The following SLC25A26 variants were observed in gnomAD, a reference collection of about 807,000 sequenced individuals.
SLC25A26 encodes solute carrier family 25 member 26.
SLC25A26 carries 36 observed loss-of-function variants against 37.8 expected under a neutral mutation model. The observed-to-expected ratio is 0.95, with a 90% CI of 0.73 to 1.26. SLC25A26 has a LOEUF of 1.26. Among genes scored for constraint, SLC25A26 ranks in the 50% most tolerant of loss-of-function variants. The pLI, the probability that SLC25A26 is intolerant of heterozygous loss-of-function variation, is 0.00. For synonymous variants in SLC25A26, 129 were observed against 122.5 expected (o/e 1.05, Z -0.35); for missense variants, 390 against 331.1 (o/e 1.18, Z -1.38).
At chr3:66,165,577 G>T (rs539873373) in intron 1 of SLC25A26, among the ~76,000 whole-genome samples, 9 of 152,164 alleles carry the variant, frequency 5.9e-5, no homozygotes, top group Non-Finnish European at 1.0e-4. Context: ...GGGAAGCCTG[G>T]AACCTCTAGT....
intron 5 of SLC25A26, among the ~76,000 whole-genome samples, chr3:66,301,756 T>C (rs1023265502): frequency 6.6e-6 from 1 of 152,176 alleles, no homozygotes; most frequent in Non-Finnish European, 1.5e-5. Flanking sequence ...GATACAGAAT[T>C]AAAAGCCTAC....
chr3:66,295,717 C>G (rs2074879768), intron 5 of SLC25A26, among the ~76,000 whole-genome samples: 1 of 151,550 alleles, frequency 6.6e-6, no homozygotes, highest in African/African-American at 2.4e-5. Flanking sequence ...CCAGGCTGAT[C>G]TTGAACTCCT....
chr3:66,155,802 C>G (rs1299842468), intron 1 of SLC25A26, among the ~76,000 whole-genome samples: 1 of 152,098 alleles, frequency 6.6e-6, no homozygotes, highest in Non-Finnish European at 1.5e-5. Context: ...CCCTACTTCC[C>G]TCTTCTCCTC....
intron 5 of SLC25A26, among the ~76,000 whole-genome samples, chr3:66,334,498 T>C (rs553660771): frequency 3.9e-4 from 59 of 152,104 alleles, no homozygotes; most frequent in Admixed American, 1.2e-3. Context: ...GTATTCTTAG[T>C]AGAGACAAGA....
At chr3:66,208,368 A>G (rs2071208081) in intron 1 of SLC25A26, among the ~76,000 whole-genome samples, 1 of 151,936 alleles carries the variant, frequency 6.6e-6, no homozygotes, top group African/African-American at 2.4e-5. Context: ...TTTTTTTTTA[A>G]AGGAAATCAT....
intron 5 of SLC25A26, among the ~76,000 whole-genome samples, chr3:66,327,253 A>G (rs1391788189): frequency 3.3e-5 from 5 of 152,158 alleles, no homozygotes; most frequent in African/African-American, 4.8e-5. Context: ...TAAGTCAAAG[A>G]AAGGCCGTTA....
chr3:66,221,064 G>A lies in SLC25A26; in HGVS notation c.-31G>A, dbSNP rs1553658096. 6.5e-7 allele frequency: 1 copy of A among 1,535,858 alleles called. No individual in the cohort carries two copies. The highest frequency in any genetic ancestry group is 1.4e-5 in the African/African-American group (1 of 73,010). On this transcript the variant is annotated 5_prime_UTR_variant, in exon 1 of 10. Coordinates refer to ENST00000354883, the MANE Select transcript of SLC25A26 (RefSeq NM_001379210.1). The stretch of plus-strand genomic sequence containing the variant: ...ACGTGATCCGCTTCTGCTCCGGCTT[G>A]GATTGTAGCCTTGACGAGGTCTGAG...
At chr3:66,330,244 C>T (rs553065055) in intron 5 of SLC25A26, among the ~76,000 whole-genome samples, 2 of 152,140 alleles carry the variant, frequency 1.3e-5, no homozygotes, top group African/African-American at 4.8e-5. Context: ...GTAGGTAGAG[C>T]AGGTTTGGGA....
At chr3:66,202,441 TCATGGGTGC>T (rs1395022095) in intron 1 of SLC25A26, among the ~76,000 whole-genome samples, 2 of 150,590 alleles carry the variant, frequency 1.3e-5, no homozygotes, top group African/African-American at 4.9e-5. Flanking sequence ...GATGATGGCT[TCATGGGTGC>T]AGCAAATGAC....
intron 2 of SLC25A26, among the ~76,000 whole-genome samples, chr3:66,237,900 C>T (rs1041224339): frequency 1.1e-4 from 16 of 152,170 alleles, no homozygotes; most frequent in Non-Finnish European, 2.1e-4. Flanking sequence ...AATGTTCATT[C>T]TGTGAGCATA....
intron 1 of SLC25A26, among the ~76,000 whole-genome samples, chr3:66,141,073 G>T (rs936717844): frequency 6.8e-6 from 1 of 146,628 alleles, no homozygotes; most frequent in Non-Finnish European, 1.5e-5. Flanking sequence ...ACACACACAC[G>T]CAAATGAGCA....
intron 2 of SLC25A26, 119 bp from the exon 3 acceptor site, chr3:66,243,084 C>T: frequency 1.7e-6 from 1 of 589,792 alleles, no homozygotes. Context: ...ATGTGCTTAT[C>T]ACCTTTTCTC....
At chr3:66,360,061 TAAGAG>T (rs1185992002) in intron 6 of SLC25A26, among the ~76,000 whole-genome samples, 13 of 152,224 alleles carry the variant, frequency 8.5e-5, no homozygotes, top group Admixed American at 2.6e-4. Context: ...CTGTCTGACT[TAAGAG>T]AAGTTGTGAA....
chr3:66,375,335 A>G (rs1333109528), intron 9 of SLC25A26, among the ~76,000 whole-genome samples: 1 of 152,244 alleles, frequency 6.6e-6, no homozygotes, highest in Non-Finnish European at 1.5e-5. Context: ...GATCTAGCTA[A>G]GATCATCGAT....
rs139357050 is a variant in SLC25A26, at chr3:66,226,885, T to C, written c.33+5758T>C. On this transcript the variant is annotated intron_variant, in intron 1 of 9. Transcript: ENST00000354883. The stretch of plus-strand genomic sequence containing the variant: ...CATTAAAAACGCTTTGGTTGTAATA[T>C]ATAGGGGAAAAATTGCAAAGCTGAT... 2.6e-3 allele frequency among the ~76,000 whole-genome samples: 398 copies of C among 151,984 alleles called. 1 individual carries two copies. Among genetic ancestry groups the C allele is most frequent in the African/African-American group, 9.0e-3 (371 of 41,418 alleles).
intron 5 of SLC25A26, among the ~76,000 whole-genome samples, chr3:66,279,003 T>C (rs1324566099): frequency 1.2e-4 from 18 of 152,126 alleles, no homozygotes; most frequent in Non-Finnish European, 1.5e-5. Context: ...TATTTTTTTT[T>C]GTGTGTGGGA....
At chr3:66,135,276 G>A (rs994430882) in intron 1 of SLC25A26, among the ~76,000 whole-genome samples, 13 of 152,062 alleles carry the variant, frequency 8.5e-5, no homozygotes, top group East Asian at 3.8e-4. Flanking sequence ...GTTTCAGGGC[G>A]ATTTTCAATT....
intron 1 of SLC25A26, among the ~76,000 whole-genome samples, chr3:66,146,914 G>C (rs1175468688): frequency 2.0e-5 from 3 of 152,034 alleles, no homozygotes; most frequent in African/African-American, 4.8e-5. Flanking sequence ...TTATAAGTGA[G>C]AACATACAGT....
intron 3 of SLC25A26, among the ~76,000 whole-genome samples, chr3:66,256,102 C>T (rs1475654651): frequency 1.3e-5 from 2 of 152,200 alleles, no homozygotes; most frequent in East Asian, 1.9e-4. Flanking sequence ...TCGGATTTCA[C>T]TCTTGACCTC....
Sources: allele counts gnomAD v4.1 joint callset (sites outside exome capture counted in the v4.1 genomes callset), GRCh38; gene constraint gnomAD v4.1.1; transcripts MANE v1.5; gene names NCBI Gene and HGNC (gene_info 2026-07-23, HGNC 2026-07-21).